Variants in MROH2A observed in about 807,000 individuals in gnomAD.
MROH2A encodes the protein maestro heat like repeat family member 2A.
A neutral mutation model predicts 200.4 loss-of-function variants in MROH2A; 174 were observed. The ratio of observed to expected loss-of-function variants is 0.87; its 90% CI spans 0.77 to 0.98. The LOEUF is 0.98. MROH2A is among the 50% of genes least tolerant of loss of function. MROH2A has a pLI of 0.00. For missense variants in MROH2A, 2,045 were observed against 2,139.6 expected, an observed-to-expected ratio of 0.96 and a Z score of 0.87; for synonymous variants, 829 against 840.4, an observed-to-expected ratio of 0.99 and a Z score of 0.23.
intron 24 of MROH2A, 46 bp from the exon 25 acceptor site, chr2:233,813,624 C>A: frequency 3.2e-6 from 4 of 1,252,418 alleles, no homozygotes; most frequent in South Asian, 1.3e-5. Flanking sequence ...AGCAGAAGCT[C>A]AACTCCCCAA....
intron 3 of MROH2A, among the ~76,000 whole-genome samples, chr2:233,781,781 C>G (rs934320221): frequency 1.4e-4 from 22 of 152,092 alleles, no homozygotes; most frequent in African/African-American, 5.3e-4. Context: ...AGGTCTCACA[C>G]AAAAAATCTT....
In MROH2A at chr2:233,794,505, A is replaced by G; in HGVS notation, c.965A>G (p.Gln322Arg). Residue 322 changes from glutamine (Q) to arginine (R), a missense_variant and splice_region_variant, in exon 8 of 42, where the codon CAG (glutamine) becomes CGG (arginine). Gln to Arg is a conservative substitution (Grantham distance 43). Around this residue, in one of 3 missense-constraint regions of MROH2A, gnomAD observed 831 missense variants for 800.0 expected, o/e 1.04. Coordinates refer to ENST00000389758, the MANE Select transcript of MROH2A (RefSeq NM_001394639.1). ...AGTCTGGAGGTGCTCTTCGTCACGCAGGCGAGTGGCCAGGCAGCCACGGCT... is the reference window on the plus strand; with the variant it reads ...AGTCTGGAGGTGCTCTTCGTCACGCGGGCGAGTGGCCAGGCAGCCACGGCT... ...QGSLEVLFVT[Q>R]VLRQILELSV... 6.7e-7 allele frequency: 1 copy of G among 1,501,424 alleles called. No individual in the cohort carries two copies. The highest frequency in any genetic ancestry group is 2.5e-5 in the East Asian group (1 of 40,654). The allele number at this position is 1,501,424 out of a possible 1,614,324, so 93.0% of individuals were successfully genotyped here.
chr2:233,829,351 C>T (rs934279354), intron 37 of MROH2A, among the ~76,000 whole-genome samples: 41 of 152,114 alleles, frequency 2.7e-4, no homozygotes, highest in African/African-American at 9.7e-4. Flanking sequence ...CCCCAGGGCA[C>T]CTGTGTCACC....
Position 233,800,212 on chromosome 2 carries a change from G to T in MROH2A, c.1457G>T (p.Arg486Leu), listed in dbSNP as rs766903289. 2.6e-6 allele frequency: 4 copies of T among 1,547,404 alleles called. No individual in the cohort carries two copies. The African/African-American group carries it at 4.1e-5, about 16-fold the overall frequency. ...LTLSTYKLTN[R>L]REKFYQRDLE... ...CTTGGTTCTTTCTTCCAGACAAATC[G>T]CCGGGAGAAGTTTTATCAGAGGGAC... Residue 486 changes from arginine (R) to leucine (L), a missense_variant, in exon 14 of 42, where the codon CGC (arginine) becomes CTC (leucine). By Grantham distance (102) the Arg-to-Leu change is moderately radical. Coordinates refer to ENST00000389758, the MANE Select transcript of MROH2A (RefSeq NM_001394639.1).
chr2:233,833,170 G>T lies in MROH2A; in HGVS notation c.4936G>T (p.Gly1646Trp). The T allele has an allele frequency of 6.5e-7, 1 of 1,549,406 alleles. No individual in the cohort carries two copies. The highest frequency in any genetic ancestry group is 1.2e-5 in the South Asian group (1 of 83,902). ...GGAACTACAGCTGGACCCGGATCCC[G>T]GGGTCAGGAGGGCAGCCCTGGAGAC... ...LQELQLDPDPGVRRAALETLT... is the reference protein window; with the variant it reads ...LQELQLDPDPWVRRAALETLT... Residue 1646 changes from glycine (G) to tryptophan (W), a missense_variant, in exon 42 of 42, where the codon GGG becomes TGG. Gly to Trp is a radical substitution (Grantham distance 184, BLOSUM62 -2). Transcript: ENST00000389758.
chr2:233,803,421 A>T, intron 15 of MROH2A, 27 bp from the exon 16 acceptor site: 1 of 1,550,460 alleles, frequency 6.4e-7, no homozygotes, highest in South Asian at 1.2e-5. Flanking sequence ...AGGAAGGCTC[A>T]GCTGGGGTTG....
At chr2:233,779,076 A>G (rs1700804622) in intron 1 of MROH2A, among the ~76,000 whole-genome samples, 1 of 152,222 alleles carries the variant, frequency 6.6e-6, no homozygotes, top group Non-Finnish European at 1.5e-5. Context: ...CAAGGCCAGT[A>G]GAATGTTTCT....
chr2:233,819,526 C>G (rs1009445800), intron 30 of MROH2A, 57 bp downstream of exon 30: 23 of 1,513,254 alleles, frequency 1.5e-5, no homozygotes, highest in Admixed American at 8.1e-5. Flanking sequence ...CTGGTGTGCC[C>G]AGATGAGAGG....
rs1454352012 is a variant in MROH2A at position 233,789,845 on chromosome 2, C to T, written c.409-7C>T. 7.1e-6 allele frequency: 11 copies of T among 1,547,798 alleles called. No individual in the cohort carries two copies. The highest frequency in any genetic ancestry group is 9.6e-6 in the Non-Finnish European group (11 of 1,145,532). On this transcript the variant is annotated splice_polypyrimidine_tract_variant and splice_region_variant and intron_variant, in intron 4 of 41. Transcript: ENST00000389758. ...GGTGCCATATGTCCCTCTTCTGTCT[C>T]CTGCAGATGGAGGGCTATATGAAGG...
At chr2:233,785,351 T>A (rs1283919320) in intron 3 of MROH2A, among the ~76,000 whole-genome samples, 1 of 151,390 alleles carries the variant, frequency 6.6e-6, no homozygotes, top group Non-Finnish European at 1.5e-5. Context: ...TAGTCCCAGC[T>A]ACTTGGCAGG....
chr2:233,809,464 G>C (rs1487432731), intron 22 of MROH2A, among the ~76,000 whole-genome samples, 186 bp downstream of exon 22: 1 of 152,062 alleles, frequency 6.6e-6, no homozygotes, highest in Non-Finnish European at 1.5e-5. Context: ...ATGCAGAGGG[G>C]CTGGGGGGCG....
intron 3 of MROH2A, among the ~76,000 whole-genome samples, chr2:233,786,770 G>A (rs1311286578): frequency 1.3e-5 from 2 of 152,072 alleles, no homozygotes; most frequent in African/African-American, 2.4e-5. Context: ...GTCATCAGTG[G>A]CAATAAACAG....
chr2:233,815,910 G>A (rs1011299970), intron 26 of MROH2A, among the ~76,000 whole-genome samples: 4 of 140,694 alleles, frequency 2.8e-5, no homozygotes, highest in Non-Finnish European at 4.6e-5. Flanking sequence ...ATTTTATTTC[G>A]GTTCGAAACA....
chr2:233,796,197 C>T lies in MROH2A; in HGVS notation c.1139-3C>T. 1 of 1,548,078 alleles carries T rather than the reference C, an allele frequency of 6.5e-7. No individual in the cohort carries two copies. The highest frequency in any genetic ancestry group is 2.4e-5 in the East Asian group (1 of 40,896). ...TGACTAAAGCTGTCCTTCCACCCTG[C>T]AGCTCGCTCCTACCCCAAGGAGCTG... On this transcript the variant is annotated splice_polypyrimidine_tract_variant and splice_region_variant and intron_variant, in intron 10 of 41. Transcript: ENST00000389758.
Position 233,792,649 on chromosome 2 carries a change from T to G in MROH2A, c.572-147T>G, listed in dbSNP as rs542387930. 100 of 603,872 alleles carry G rather than the reference T, an allele frequency of 1.7e-4. No homozygotes were observed. The South Asian group carries it at 1.9e-3, about 12-fold the overall frequency. 37.4% of individuals were successfully genotyped at this position (603,872 alleles called of 1,614,324 possible). A position where few individuals can be genotyped will look rare whatever the true frequency, so the allele number is the denominator to read the frequency against. On this transcript the variant is annotated intron_variant, in intron 5 of 41. Transcript: ENST00000389758. ...TAATGCTTTTCTGACTCCTGGACTATTTCCTGGGCCCCAGCCAGGACAGAG... is the reference window on the plus strand; with the variant it reads ...TAATGCTTTTCTGACTCCTGGACTAGTTCCTGGGCCCCAGCCAGGACAGAG...
At chr2:233,819,854 G>A in intron 30 of MROH2A, 48 bp from the exon 31 acceptor site, 3 of 1,456,954 alleles carry the variant, frequency 2.1e-6, no homozygotes, top group Non-Finnish European at 2.7e-6. Context: ...AGTGCAGGAG[G>A]CCATAGGGGC....
chr2:233,802,144 C>T (rs1316812080), intron 14 of MROH2A, 24 bp from the exon 15 acceptor site: 2 of 1,542,314 alleles, frequency 1.3e-6, no homozygotes, highest in East Asian at 4.9e-5. Flanking sequence ...TTCTGAGCCC[C>T]TTTCTCTCCC....
intron 3 of MROH2A, among the ~76,000 whole-genome samples, chr2:233,784,850 G>A (rs571013596): frequency 3.9e-5 from 6 of 152,240 alleles, no homozygotes; most frequent in South Asian, 4.1e-4. Flanking sequence ...AGACTAACAC[G>A]GGCTTTTAAA....
chr2:233,789,685 G>C, intron 4 of MROH2A, 57 bp downstream of exon 4: 1 of 1,435,516 alleles, frequency 7.0e-7, no homozygotes, highest in South Asian at 1.5e-5. Flanking sequence ...GCTGGGCCAC[G>C]GGGGGCCTGG....
Sources: gnomAD v4.1 joint callset for allele counts (sites outside exome capture counted in the v4.1 genomes callset) on GRCh38, gnomAD v4.1.1 for gene constraint, gnomAD v4.1.1 regional missense constraint, MANE v1.5 for transcripts, NCBI Gene and HGNC (gene_info 2026-07-23, HGNC 2026-07-21) for gene names.